The following TACR3 variants were observed in gnomAD, a reference collection of about 807,000 sequenced individuals.
TACR3 encodes neuromedin-K receptor.
Under a neutral mutation model 35.0 loss-of-function variants are expected in TACR3, and 34 were observed. That is an observed-to-expected ratio of 0.97 (90% CI 0.74 to 1.30). TACR3 has a LOEUF of 1.30. TACR3 is among the 50% of genes most tolerant of loss of function. The pLI, the probability that TACR3 is intolerant of heterozygous loss-of-function variation, is 0.00. For synonymous variants in TACR3, 233 were observed against 221.1 expected (o/e 1.05, Z -0.48); for missense variants, 558 against 591.7 (o/e 0.94, Z 0.59).
intron 1 of TACR3, among the ~76,000 whole-genome samples, chr4:103,714,136 C>G (rs1046536564): frequency 2.0e-5 from 3 of 151,882 alleles, no homozygotes; most frequent in Non-Finnish European, 4.4e-5. Flanking sequence ...TCTTTTTACA[C>G]TGGGGATATA....
At chr4:103,689,465 T>C (rs1034991077) in intron 1 of TACR3, among the ~76,000 whole-genome samples, 1 of 152,014 alleles carries the variant, frequency 6.6e-6, no homozygotes, top group African/African-American at 2.4e-5. Flanking sequence ...ATTCATCAAA[T>C]ACAGACTATC....
chr4:103,602,612 G>C (rs1391568677), intron 3 of TACR3, among the ~76,000 whole-genome samples: 1 of 152,088 alleles, frequency 6.6e-6, no homozygotes, highest in Non-Finnish European at 1.5e-5. Flanking sequence ...TAACAGACAG[G>C]ACCCTCAGCT....
At chr4:103,687,014 C>G (rs576211128) in intron 1 of TACR3, among the ~76,000 whole-genome samples, 3 of 151,966 alleles carry the variant, frequency 2.0e-5, no homozygotes, top group Non-Finnish European at 4.4e-5. Flanking sequence ...ACTGGCAAAC[C>G]GAATCCAGCA....
intron 3 of TACR3, among the ~76,000 whole-genome samples, chr4:103,610,730 A>T (rs940305593): frequency 6.6e-6 from 1 of 152,118 alleles, no homozygotes; most frequent in Non-Finnish European, 1.5e-5. Flanking sequence ...GCATTTCCCC[A>T]TAAATTTGTC....
chr4:103,619,577 C>T (rs1009488340), intron 3 of TACR3, among the ~76,000 whole-genome samples: 6 of 152,106 alleles, frequency 3.9e-5, no homozygotes, highest in African/African-American at 9.7e-5. Flanking sequence ...TGGTGAGAGT[C>T]GGCATCCTTG....
chr4:103,642,326 A>G (rs956812340), intron 3 of TACR3, among the ~76,000 whole-genome samples: 2 of 149,708 alleles, frequency 1.3e-5, no homozygotes, highest in African/African-American at 4.9e-5. Flanking sequence ...AGAGAATACA[A>G]TTATTATTTG....
intron 3 of TACR3, among the ~76,000 whole-genome samples, chr4:103,622,934 G>T (rs954699302): frequency 2.0e-5 from 3 of 152,008 alleles, no homozygotes; most frequent in Non-Finnish European, 4.4e-5. Flanking sequence ...AAAATAAAAT[G>T]CATGTTAAAG....
chr4:103,591,635 G>A lies in TACR3; in HGVS notation c.937C>T (p.Leu313=). The change falls in exon 4 of 5, where the codon CTG becomes TTG. Residue 313 remains leucine, a synonymous_variant. Transcript: ENST00000304883. ...IVVMTFAICW[L]PYHIYFILTA... ...AGAATGAAGTAAATATGATAGGGCA[G>A]CCAGCAGATAGCAAATGTCATGACA... The A allele has an allele frequency of 6.2e-7, 1 of 1,613,660 alleles. No individual in the cohort carries two copies. The highest frequency in any genetic ancestry group is 2.2e-5 in the East Asian group (1 of 44,818).
Position 103,587,667 on chromosome 4 carries a change from CATTA to C in TACR3, c.*2011_*2014del, listed in dbSNP as rs1019073606. Reference sequence around the variant, plus strand: ...TGAATATGGTTCCATATGTCTAAAACATTAATTAATGCTAGTACCATATCATTCA... The same window carrying C: ...TGAATATGGTTCCATATGTCTAAAACATTAATGCTAGTACCATATCATTCA... On this transcript the variant is annotated 3_prime_UTR_variant, in exon 5 of 5. Coordinates refer to ENST00000304883, the MANE Select transcript of TACR3 (RefSeq NM_001059.3). The C allele has an allele frequency of 3.3e-5, 5 of 152,026 alleles. No individual in the cohort carries two copies. The highest frequency in any genetic ancestry group is 6.6e-5 in the Admixed American group (1 of 15,230). 9.4% of individuals were successfully genotyped at this position (152,026 alleles called of 1,614,324 possible). A position where few individuals can be genotyped will look rare whatever the true frequency, so the allele number is the denominator to read the frequency against.
intron 3 of TACR3, among the ~76,000 whole-genome samples, chr4:103,637,960 A>G (rs191320587): frequency 1.1e-4 from 16 of 152,284 alleles, no homozygotes; most frequent in Admixed American, 7.9e-4. Flanking sequence ...AAATGGAAGA[A>G]TATTCCATGC....
At chr4:103,708,426 C>T (rs1462571309) in intron 1 of TACR3, among the ~76,000 whole-genome samples, 3 of 152,220 alleles carry the variant, frequency 2.0e-5, no homozygotes, top group Non-Finnish European at 2.9e-5. Flanking sequence ...CAAACACCAA[C>T]AGACCTGCAG....
chr4:103,631,979 G>A (rs961070868), intron 3 of TACR3, among the ~76,000 whole-genome samples: 1 of 152,096 alleles, frequency 6.6e-6, no homozygotes, highest in Non-Finnish European at 1.5e-5. Flanking sequence ...AGCTGTGCGA[G>A]CTTATTGTTA....
chr4:103,620,362 A>G (rs1724747651), intron 3 of TACR3, among the ~76,000 whole-genome samples: 1 of 152,218 alleles, frequency 6.6e-6, no homozygotes, highest in South Asian at 2.1e-4. Context: ...TTCTCAAAGA[A>G]CTTAAAATAG....
intron 3 of TACR3, among the ~76,000 whole-genome samples, chr4:103,611,289 T>C (rs191795759): frequency 1.2e-4 from 19 of 152,158 alleles, no homozygotes; most frequent in African/African-American, 4.3e-4. Context: ...GTGTCCTCTT[T>C]AGTTGCTTTT....
intron 1 of TACR3, among the ~76,000 whole-genome samples, chr4:103,694,259 A>C (rs9996955): frequency 0.054 from 8,022 of 148,320 alleles, 1,060 homozygotes; most frequent in African/African-American, 0.2. Context: ...AGCTTACACC[A>C]TGCACACTTA....
intron 3 of TACR3, among the ~76,000 whole-genome samples, chr4:103,650,837 CTT>C (rs1332220323): frequency 5.4e-5 from 1 of 18,636 alleles, no homozygotes; most frequent in Non-Finnish European, 7.4e-5. Context: ...ATATATATAT[CTT>C]ATATATAATA....
intron 3 of TACR3, among the ~76,000 whole-genome samples, chr4:103,626,985 C>A (rs1724906635): frequency 6.7e-6 from 1 of 149,876 alleles, no homozygotes; most frequent in African/African-American, 2.5e-5. Context: ...CCAGCCTGGC[C>A]AACATAGCAA....
chr4:103,667,451 G>T (rs1481303208), intron 1 of TACR3, among the ~76,000 whole-genome samples: 1 of 152,112 alleles, frequency 6.6e-6, no homozygotes, highest in East Asian at 1.9e-4. Context: ...CTAATTTATT[G>T]TATATTTCTA....
intron 3 of TACR3, among the ~76,000 whole-genome samples, chr4:103,592,453 C>G (rs1413721656): frequency 6.6e-6 from 1 of 152,186 alleles, no homozygotes; most frequent in Admixed American, 6.5e-5. Context: ...TGTTATTTCT[C>G]TTCCACTAGG....
Sources: allele counts gnomAD v4.1 joint callset (sites outside exome capture counted in the v4.1 genomes callset), GRCh38; gene constraint gnomAD v4.1.1; transcripts MANE v1.5; gene names NCBI Gene and HGNC (gene_info 2026-07-23, HGNC 2026-07-21).